Variants in FAM177B observed in about 807,000 individuals in gnomAD.
The protein encoded by FAM177B is protein FAM177B.
In FAM177B, 16 loss-of-function variants were observed where a neutral mutation model predicts 16.1. That is an observed-to-expected ratio of 0.99 (90% CI 0.67 to 1.51). FAM177B has a LOEUF of 1.51. FAM177B is among the 40% of genes most tolerant of loss of function. FAM177B has a pLI of 0.00. For synonymous variants in FAM177B, 56 were observed against 59.9 expected, an observed-to-expected ratio of 0.93 and a Z score of 0.30; for missense variants, 178 against 183.7, an observed-to-expected ratio of 0.97 and a Z score of 0.18.
At position 222,748,347 on chromosome 1, in the gene FAM177B, T is replaced by C. The variant is rs114228851; in HGVS notation, c.242-1118T>C. Among the ~76,000 whole-genome samples the C allele has an allele frequency of 9.3e-3, 1,418 of 152,228 alleles. 14 individuals are homozygous for C. The highest frequency in any genetic ancestry group is 0.033 in the African/African-American group (1,354 of 41,534). On this transcript the variant is annotated intron_variant, in intron 4 of 5. Coordinates refer to ENST00000445590, the MANE Select transcript of FAM177B (RefSeq NM_001394345.1). Reference sequence around the variant, plus strand: ...GTCAGGTAAAAGAAGCAAAACTCAATATGGGATTGAGAGTATGGAGAAGAA... The same window carrying C: ...GTCAGGTAAAAGAAGCAAAACTCAACATGGGATTGAGAGTATGGAGAAGAA...
intron 4 of FAM177B, 196 bp downstream of exon 4, chr1:222,747,277 A>C: frequency 1.6e-4 from 88 of 534,596 alleles, no homozygotes; most frequent in East Asian, 4.0e-4. Context: ...ACCAACTCTC[A>C]TCAGGAAATT....
chr1:222,745,448 TA>T (rs531393733), intron 2 of FAM177B, among the ~76,000 whole-genome samples: 10 of 151,388 alleles, frequency 6.6e-5, no homozygotes, highest in Admixed American at 4.0e-4. Context: ...CCCATCTCTA[TA>T]AAAAAAAATT....
At position 222,750,497 on chromosome 1, in the gene FAM177B, A is replaced by G. The variant is rs2378608; in HGVS notation, c.*439A>G. 0.88 allele frequency: 873,372 copies of G among 989,388 alleles called. 385,775 individuals carry two copies. The highest frequency in any genetic ancestry group is 1 in the East Asian group (8,874 of 8,898). 61.3% of individuals were successfully genotyped at this position (989,388 alleles called of 1,614,324 possible). ...AAGTCTAAATAAATCCCCTTTCAGG[A>G]TTTGATATAGTGTGTACTTCCAACA... On this transcript the variant is annotated 3_prime_UTR_variant, in exon 6 of 6. Transcript: ENST00000445590.
intron 2 of FAM177B, among the ~76,000 whole-genome samples, chr1:222,743,698 T>G (rs1030445370): frequency 4.6e-5 from 7 of 152,210 alleles, no homozygotes; most frequent in African/African-American, 1.7e-4. Context: ...TGCTAGGAGA[T>G]AGCAAATTAC....
In FAM177B at chr1:222,747,071, C is replaced by T. The variant is rs770509979; in HGVS notation, c.231C>T (p.Thr77=). ...TTTGGGCAGGACGAATAGCAAGCACCTCATTTTCTAGTAAGTACTGCTAAG... is the reference window on the plus strand; with the variant it reads ...TTTGGGCAGGACGAATAGCAAGCACTTCATTTTCTAGTAAGTACTGCTAAG... ...LRFWAGRIAS[T]SFSTCEFLGG... Residue 77 remains threonine, a synonymous_variant, in exon 4 of 6, where the codon ACC becomes ACT. Coordinates refer to ENST00000445590, the MANE Select transcript of FAM177B (RefSeq NM_001394345.1). 13 of 1,608,120 alleles carry T rather than the reference C, an allele frequency of 8.1e-6. No homozygotes were observed. Among genetic ancestry groups the T allele is most frequent in the Middle Eastern group, 1.6e-4 (1 of 6,070 alleles).
intron 2 of FAM177B, chr1:222,739,963 T>TA (rs1658447948): frequency 6.6e-6 from 1 of 152,230 alleles, no homozygotes; most frequent in South Asian, 2.1e-4. Context: ...CATACCAAAT[T>TA]AAAATGGGTA....
chr1:222,737,594 C>T (rs977948363), intron 1 of FAM177B, among the ~76,000 whole-genome samples: 15 of 152,192 alleles, frequency 9.9e-5, no homozygotes, highest in African/African-American at 3.6e-4. Flanking sequence ...GAGAGTAGTA[C>T]AAGATGGCGT....
At chr1:222,749,601 G>T (rs750108621) in intron 5 of FAM177B, 39 bp downstream of exon 5, 2 of 1,236,754 alleles carry the variant, frequency 1.6e-6, no homozygotes, top group South Asian at 1.3e-5. Flanking sequence ...GCCTGAGATG[G>T]GAATATTGGT....
chr1:222,737,307 G>A lies in FAM177B; in HGVS notation c.-149G>A, dbSNP rs1322378447. 1.3e-5 allele frequency: 2 copies of A among 152,472 alleles called. No individual in the cohort carries two copies. Among genetic ancestry groups the A allele is most frequent in the Non-Finnish European group, 2.9e-5 (2 of 68,236 alleles). The allele number at this position is 152,472 out of a possible 1,614,324, so 9.4% of individuals were successfully genotyped here. A position where few individuals can be genotyped will look rare whatever the true frequency, so the allele number is the denominator to read the frequency against. ...GGGAAGACAGAGACAGGTGGAATAT[G>A]GAGTGTTCAGTGTTGGTAAGTGCTA... On this transcript the variant is annotated 5_prime_UTR_variant, in exon 1 of 6. An upstream start codon of the reference 5' UTR is lost. Transcript: ENST00000445590.
intron 3 of FAM177B, 77 bp downstream of exon 3, chr1:222,746,796 T>C: frequency 7.8e-7 from 1 of 1,277,534 alleles, no homozygotes; most frequent in South Asian, 1.4e-5. Flanking sequence ...CAGACAAGGT[T>C]TATAGAAAGA....
Position 222,737,206 on chromosome 1 carries a change from T to C in FAM177B, c.-250T>C, listed in dbSNP as rs901051320. 2.6e-5 allele frequency: 4 copies of C among 152,218 alleles called. No individual in the cohort carries two copies. The highest frequency in any genetic ancestry group is 4.4e-5 in the Non-Finnish European group (3 of 68,048). 9.4% of individuals were successfully genotyped at this position (152,218 alleles called of 1,614,324 possible). Reference sequence around the variant, plus strand: ...AGTTCCAGCTACGTGTAAGGCATCATAGGGGCAGAAGATACAGCAGTGAAC... The same window carrying C: ...AGTTCCAGCTACGTGTAAGGCATCACAGGGGCAGAAGATACAGCAGTGAAC... On this transcript the variant is annotated 5_prime_UTR_variant, in exon 1 of 6. Transcript: ENST00000445590.
intron 2 of FAM177B, among the ~76,000 whole-genome samples, chr1:222,745,646 G>T (rs545383306): frequency 6.6e-6 from 1 of 151,644 alleles, no homozygotes; most frequent in Admixed American, 6.6e-5. Flanking sequence ...TTTAGGCTGC[G>T]CACAGTGGCT....
intron 2 of FAM177B, among the ~76,000 whole-genome samples, chr1:222,743,357 C>A (rs1310468597): frequency 6.6e-6 from 1 of 151,872 alleles, no homozygotes; most frequent in Non-Finnish European, 1.5e-5. Context: ...AGGGTTTCAC[C>A]ATGTTGGCCA....
At chr1:222,749,673 T>A in intron 5 of FAM177B, 111 bp downstream of exon 5, 1 of 736,994 alleles carries the variant, frequency 1.4e-6, no homozygotes, top group Non-Finnish European at 2.3e-6. Context: ...GTACTATAAT[T>A]TCACCAAGCT....
At position 222,750,745 on chromosome 1, in the gene FAM177B, T is replaced by A. The variant is rs754383309; in HGVS notation, c.*687T>A. 4 of 271,530 alleles carry A rather than the reference T, an allele frequency of 1.5e-5. No individual in the cohort carries two copies. Among genetic ancestry groups the A allele is most frequent in the Non-Finnish European group, 1.7e-5 (3 of 177,992 alleles). 16.8% of individuals were successfully genotyped at this position (271,530 alleles called of 1,614,324 possible). A position where few individuals can be genotyped will look rare whatever the true frequency, so the allele number is the denominator to read the frequency against. ...AAAGATCGAACATGGAAATCATTGT[T>A]AGATAACACAGGGTGTGCTGGCCAA... On this transcript the variant is annotated 3_prime_UTR_variant, in exon 6 of 6. Transcript: ENST00000445590.
Position 222,750,478 on chromosome 1 carries a change from A to C in FAM177B, c.*420A>C, listed in dbSNP as rs1356863268. 5.0e-6 allele frequency: 5 copies of C among 993,052 alleles called. No homozygotes were observed. The highest frequency in any genetic ancestry group is 6.0e-6 in the Non-Finnish European group (5 of 835,482). The allele number at this position is 993,052 out of a possible 1,614,324, so 61.5% of individuals were successfully genotyped here. On this transcript the variant is annotated 3_prime_UTR_variant, in exon 6 of 6. Coordinates refer to ENST00000445590, the MANE Select transcript of FAM177B (RefSeq NM_001394345.1). ...AGAAAATTTGGGCACCGCAAAGTCTAAATAAATCCCCTTTCAGGATTTGAT... is the reference window on the plus strand; with the variant it reads ...AGAAAATTTGGGCACCGCAAAGTCTCAATAAATCCCCTTTCAGGATTTGAT...
At chr1:222,749,685 C>A in intron 5 of FAM177B, 123 bp downstream of exon 5, 1 of 734,734 alleles carries the variant, frequency 1.4e-6, no homozygotes, top group South Asian at 1.8e-5. Context: ...CACCAAGCTC[C>A]CATAGTCAGA....
chr1:222,745,801 C>T (rs951006289), intron 2 of FAM177B, among the ~76,000 whole-genome samples: 1 of 152,154 alleles, frequency 6.6e-6, no homozygotes, highest in East Asian at 1.9e-4. Flanking sequence ...GTAATCCCAG[C>T]TACTCAGGAG....
intron 3 of FAM177B, 59 bp downstream of exon 3, chr1:222,746,778 GA>G: frequency 1.5e-6 from 2 of 1,355,946 alleles, no homozygotes; most frequent in Non-Finnish European, 2.0e-6. Context: ...ATGAACAAGA[GA>G]TTGAGCCAGA....
Sources: gnomAD v4.1 joint callset for allele counts (sites outside exome capture counted in the v4.1 genomes callset) on GRCh38, gnomAD v4.1.1 for gene constraint, MANE v1.5 for transcripts, NCBI Gene and HGNC (gene_info 2026-07-23, HGNC 2026-07-21) for gene names.